The following DLG2 variants were observed in gnomAD, a reference collection of about 807,000 sequenced individuals.
DLG2 encodes the protein disks large homolog 2.
In DLG2, 45 loss-of-function variants were observed where a neutral mutation model predicts 132.5. The observed-to-expected ratio is 0.34, with a 90% confidence interval of 0.27 to 0.44. The LOEUF is 0.44. DLG2 is among the 20% of genes least tolerant of loss of function. The pLI, the probability that DLG2 is intolerant of heterozygous loss-of-function variation, is 1.00. For synonymous variants in DLG2, 424 were observed against 419.6 expected (o/e 1.01, Z -0.13); for missense variants, 1,045 against 1,196.9 (o/e 0.87, Z 1.87).
At chr11:83,943,709 C>G (rs2083171697) in intron 14 of DLG2, among the ~76,000 whole-genome samples, 1 of 152,218 alleles carries the variant, frequency 6.6e-6, no homozygotes. Flanking sequence ...AGCAAATTTA[C>G]AGCAAGTATA....
chr11:84,734,564 C>G (rs144900753), intron 6 of DLG2, among the ~76,000 whole-genome samples: 2 of 151,982 alleles, frequency 1.3e-5, no homozygotes, highest in Non-Finnish European at 2.9e-5. Context: ...TTCTAGATAT[C>G]CAATCATGTC....
chr11:84,002,237 C>T (rs1352575370), intron 11 of DLG2, among the ~76,000 whole-genome samples: 2 of 152,194 alleles, frequency 1.3e-5, no homozygotes, highest in African/African-American at 4.8e-5. Flanking sequence ...ACCATTGATA[C>T]ATGCATTAGT....
chr11:83,562,966 CTTTTTTTTTTTTT>C (rs527949325), intron 19 of DLG2, among the ~76,000 whole-genome samples: 2 of 81,368 alleles, frequency 2.5e-5, no homozygotes, highest in Non-Finnish European at 4.5e-5. Context: ...TTCCCTAATT[CTTTTTTTTTTTTT>C]TTTTTTTTTT....
chr11:84,047,638 T>C (rs1217553945), intron 11 of DLG2, among the ~76,000 whole-genome samples: 1 of 151,622 alleles, frequency 6.6e-6, no homozygotes, highest in Non-Finnish European at 1.5e-5. Flanking sequence ...TGCAATTATT[T>C]AAATCTGAAA....
chr11:85,609,656 C>T (rs989332056), intron 2 of DLG2, among the ~76,000 whole-genome samples: 2 of 152,148 alleles, frequency 1.3e-5, no homozygotes, highest in African/African-American at 2.4e-5. Context: ...CCAGTAACCC[C>T]CAATAAGAAG....
At position 84,004,838 on chromosome 11, in the gene DLG2, G is replaced by A. The variant is rs186957610; in HGVS notation, c.920-24196C>T. 1.0e-3 allele frequency among the ~76,000 whole-genome samples: 156 copies of A among 150,776 alleles called. 1 individual carries two copies. The highest frequency in any genetic ancestry group is 1.1e-3 in the Non-Finnish European group (75 of 67,686). On this transcript the variant is annotated intron_variant, in intron 11 of 27. Transcript: ENST00000376104. ...TTGAAAGAATTAACATAATTAAAAT[G>A]AGCTAACTTCCCAAAGCAATCTACA... is the stretch of plus-strand genomic sequence containing the variant.
chr11:84,650,873 G>GTA (rs71274437), intron 6 of DLG2, among the ~76,000 whole-genome samples: 10,095 of 123,732 alleles, frequency 0.082, 458 homozygotes, highest in East Asian at 0.12. Context: ...GTGTGTGTGT[G>GTA]TATATATATA....
At chr11:85,010,824 CA>C in intron 6 of DLG2, among the ~76,000 whole-genome samples, 1 of 152,086 alleles carries the variant, frequency 6.6e-6, no homozygotes, top group Non-Finnish European at 1.5e-5. Context: ...GTTTCCACCG[CA>C]AAACAAAAAC....
intron 21 of DLG2, among the ~76,000 whole-genome samples, chr11:83,532,238 ATTAATTC>A (rs1830109300): frequency 6.6e-6 from 1 of 152,086 alleles, no homozygotes; most frequent in Non-Finnish European, 1.5e-5. Flanking sequence ...AATTTTAGTC[ATTAATTC>A]TCTTCTATGT....
chr11:84,271,230 T>A (rs532922094), intron 7 of DLG2, among the ~76,000 whole-genome samples: 2 of 152,202 alleles, frequency 1.3e-5, no homozygotes, highest in African/African-American at 2.4e-5. Context: ...TTGAGATATA[T>A]TGGCAAATTC....
chr11:85,149,149 T>C (rs1404656561), intron 5 of DLG2, among the ~76,000 whole-genome samples: 1 of 152,150 alleles, frequency 6.6e-6, no homozygotes, highest in Admixed American at 6.5e-5. Flanking sequence ...TTGGCTACTG[T>C]AGGCTTGTAG....
At chr11:83,945,940 C>CCTT (rs944122000) in intron 14 of DLG2, among the ~76,000 whole-genome samples, 2 of 148,170 alleles carry the variant, frequency 1.3e-5, no homozygotes, top group African/African-American at 5.0e-5. Flanking sequence ...TTCCGTCCTT[C>CCTT]CTTCCTTCCT....
chr11:85,205,138 ATGTG>A (rs947729375), intron 4 of DLG2, among the ~76,000 whole-genome samples: 13 of 145,702 alleles, frequency 8.9e-5, no homozygotes, highest in African/African-American at 3.0e-4. Context: ...ATTCATATAT[ATGTG>A]TGTGTATATA....
At position 84,844,135 on chromosome 11, in the gene DLG2, G is replaced by GTATATATATATA. The variant is rs74200849; in HGVS notation, c.357+267514_357+267525dup. On this transcript the variant is annotated intron_variant, in intron 6 of 27. Transcript: ENST00000376104. Reference sequence around the variant, plus strand: ...TGTGTGTGTGTGTGTGTGTGTGTGTGTATATATATATATATATATATATAT... The same window carrying GTATATATATATA: ...TGTGTGTGTGTGTGTGTGTGTGTGTGTATATATATATATATATATATATATATATATATATAT... 3.7e-4 allele frequency among the ~76,000 whole-genome samples: 16 copies of GTATATATATATA among 43,684 alleles called. No homozygotes were observed. In the East Asian group the frequency reaches 3.7e-3, roughly 10 times the overall value. The allele number at this position is 43,684 out of a possible 152,430, so 28.7% of individuals were successfully genotyped here. A position where few individuals can be genotyped will look rare whatever the true frequency, so the allele number is the denominator to read the frequency against.
chr11:85,530,333 T>G (rs2075113250), intron 3 of DLG2, among the ~76,000 whole-genome samples: 2 of 149,238 alleles, frequency 1.3e-5, no homozygotes, highest in Admixed American at 6.7e-5. Flanking sequence ...ATTTATTTTT[T>G]TTTTTGAGAC....
chr11:84,915,305 C>A (rs2092387447), intron 6 of DLG2, among the ~76,000 whole-genome samples: 1 of 151,888 alleles, frequency 6.6e-6, no homozygotes, highest in African/African-American at 2.4e-5. Context: ...TTAATCTTGA[C>A]CAACATTATA....
intron 7 of DLG2, among the ~76,000 whole-genome samples, chr11:84,486,276 A>G (rs536608896): frequency 7.6e-4 from 115 of 152,224 alleles, no homozygotes; most frequent in Non-Finnish European, 1.2e-3. Flanking sequence ...AGCACCTTAA[A>G]TTTTTGAAGA....
chr11:84,979,357 T>C (rs556279242), intron 6 of DLG2, among the ~76,000 whole-genome samples: 116 of 152,274 alleles, frequency 7.6e-4, no homozygotes, highest in Non-Finnish European at 1.3e-3. Context: ...CACATGCACA[T>C]GTATGTTTAT....
chr11:83,627,648 A>G (rs2062824715), intron 19 of DLG2, among the ~76,000 whole-genome samples: 1 of 152,140 alleles, frequency 6.6e-6, no homozygotes, highest in African/African-American at 2.4e-5. Context: ...AGTCTTTGCT[A>G]TTGTGAATAG....
Sources: allele counts gnomAD v4.1 joint callset (sites outside exome capture counted in the v4.1 genomes callset), GRCh38; gene constraint gnomAD v4.1.1; transcripts MANE v1.5; gene names NCBI Gene and HGNC (gene_info 2026-07-23, HGNC 2026-07-21).